The following NAV2 variants were observed in gnomAD, a reference collection of about 807,000 sequenced individuals.
The protein encoded by NAV2 is helicase, APC down-regulated 1.
NAV2 carries 54 observed loss-of-function variants against 223.2 expected under a neutral mutation model. That is an observed-to-expected ratio of 0.24 (90% CI 0.19 to 0.30). The LOEUF (loss-of-function observed/expected upper bound fraction) is 0.30. NAV2 is among the 10% of genes least tolerant of loss of function. NAV2 has a pLI of 1.00. For synonymous variants in NAV2, 1,279 were observed against 1,239.3 expected (o/e 1.03, Z -0.67); for missense variants, 2,806 against 3,147.5 (o/e 0.89, Z 2.60).
intron 1 of NAV2, among the ~76,000 whole-genome samples, chr11:19,789,593 G>C (rs1158924062): frequency 6.6e-6 from 1 of 152,206 alleles, no homozygotes; most frequent in Admixed American, 6.5e-5. Flanking sequence ...AGACTGGTTG[G>C]TGTACAGAGA....
At chr11:19,641,981 A>G (rs541264588) in intron 1 of NAV2, among the ~76,000 whole-genome samples, 3 of 152,198 alleles carry the variant, frequency 2.0e-5, no homozygotes, top group Non-Finnish European at 4.4e-5. Context: ...TGTTCACACT[A>G]TATTCCTAAT....
chr11:19,413,007 A>AT (rs1440234976), intron 1 of NAV2, among the ~76,000 whole-genome samples: 1 of 152,236 alleles, frequency 6.6e-6, no homozygotes, highest in Non-Finnish European at 1.5e-5. Context: ...CAAAAACCAG[A>AT]TGACCTCTTC....
chr11:19,919,709 T>C (rs2044113247), intron 6 of NAV2, among the ~76,000 whole-genome samples: 1 of 152,202 alleles, frequency 6.6e-6, no homozygotes, highest in African/African-American at 2.4e-5. Context: ...CCAATATTAG[T>C]AGAGAAGAAT....
At chr11:19,727,265 AGCTGGAGGTAGTTCCATCCAGCCCGTCT>A (rs1003009720) in intron 1 of NAV2, among the ~76,000 whole-genome samples, 3 of 152,190 alleles carry the variant, frequency 2.0e-5, no homozygotes, top group Non-Finnish European at 2.9e-5. Flanking sequence ...ACCTTTCAGG[AGCTGGAGGTAGTTCCATCCAGCCCGTCT>A]CACAAATGGC....
chr11:19,889,107 A>G (rs1591084313), intron 5 of NAV2, among the ~76,000 whole-genome samples: 1 of 152,110 alleles, frequency 6.6e-6, no homozygotes, highest in Non-Finnish European at 1.5e-5. Flanking sequence ...GAAATCCTGC[A>G]CTTGAACCCC....
intron 1 of NAV2, among the ~76,000 whole-genome samples, chr11:19,562,969 G>T (rs1400954744): frequency 6.6e-6 from 1 of 152,152 alleles, no homozygotes; most frequent in African/African-American, 2.4e-5. Context: ...AGTAGGCCCT[G>T]CCAAGACACC....
intron 1 of NAV2, among the ~76,000 whole-genome samples, chr11:19,677,429 C>T (rs113316974): frequency 3.0e-4 from 45 of 152,350 alleles, no homozygotes; most frequent in Middle Eastern, 3.4e-3. Context: ...GTGTCCTACT[C>T]GGCTTGTGAT....
At chr11:19,489,488 C>G (rs759980114) in intron 1 of NAV2, among the ~76,000 whole-genome samples, 1 of 152,224 alleles carries the variant, frequency 6.6e-6, no homozygotes, top group Non-Finnish European at 1.5e-5. Flanking sequence ...ATTTGAGTAA[C>G]TTTTATCACT....
At chr11:19,432,605 A>G (rs1191971098) in intron 1 of NAV2, among the ~76,000 whole-genome samples, 2 of 152,194 alleles carry the variant, frequency 1.3e-5, no homozygotes, top group African/African-American at 4.8e-5. Context: ...GAAGACATGG[A>G]GCATGGAGAG....
intron 10 of NAV2, among the ~76,000 whole-genome samples, chr11:19,963,545 C>T (rs2048516662): frequency 6.6e-6 from 1 of 152,046 alleles, no homozygotes; most frequent in Admixed American, 6.6e-5. Context: ...CCTGAAAGTG[C>T]CATTTGGAAG....
intron 1 of NAV2, among the ~76,000 whole-genome samples, chr11:19,718,646 C>T (rs1214140232): frequency 1.3e-5 from 2 of 151,840 alleles, no homozygotes; most frequent in African/African-American, 2.4e-5. Flanking sequence ...TTCTCTTTCT[C>T]AGTTCTTGGA....
At chr11:19,514,396 T>C (rs2043375100) in intron 1 of NAV2, among the ~76,000 whole-genome samples, 1 of 152,204 alleles carries the variant, frequency 6.6e-6, no homozygotes, top group Non-Finnish European at 1.5e-5. Flanking sequence ...ATTGCGGTTT[T>C]TCTGACCTTA....
intron 10 of NAV2, among the ~76,000 whole-genome samples, chr11:19,974,794 G>C (rs2049566154): frequency 6.6e-6 from 1 of 152,208 alleles, no homozygotes; most frequent in African/African-American, 2.4e-5. Flanking sequence ...ATAGAGCAAA[G>C]TGTTGGGGGG....
At chr11:19,983,520 T>C (rs2050484172) in intron 10 of NAV2, among the ~76,000 whole-genome samples, 1 of 152,212 alleles carries the variant, frequency 6.6e-6, no homozygotes. Flanking sequence ...CACTTTCATA[T>C]TCCTTATCTC....
intron 1 of NAV2, among the ~76,000 whole-genome samples, chr11:19,800,810 C>T (rs2058208194): frequency 6.6e-6 from 1 of 151,898 alleles, no homozygotes; most frequent in African/African-American, 2.4e-5. Flanking sequence ...TGTGTGGAAG[C>T]AACATTGGGT....
At chr11:20,079,899 C>G (rs1194674502) in intron 24 of NAV2, among the ~76,000 whole-genome samples, 165 bp from the exon 25 acceptor site, 2 of 152,170 alleles carry the variant, frequency 1.3e-5, no homozygotes, top group South Asian at 2.1e-4. Context: ...AATGCACTCA[C>G]CTATTCAAGG....
intron 1 of NAV2, among the ~76,000 whole-genome samples, chr11:19,523,160 C>T (rs1009229885): frequency 1.3e-5 from 2 of 152,228 alleles, no homozygotes; most frequent in African/African-American, 4.8e-5. Context: ...GCTTGTGCTG[C>T]TCTGTTGACC....
chr11:19,946,437 A>G lies in NAV2; in HGVS notation c.2183A>G (p.Lys728Arg). 3 of 1,613,648 alleles carry G rather than the reference A, an allele frequency of 1.9e-6. No homozygotes were observed. Among genetic ancestry groups the G allele is most frequent in the Non-Finnish European group, 2.5e-6 (3 of 1,179,850 alleles). ...GAGGCTCGGCGGCTGCGGACAGTGA[A>G]GAACATCGCTGATCTGCGGCAGAAT... The part of the protein sequence containing the change: ...DPEARRLRTV[K>R]NIADLRQNLE... Residue 728 changes from lysine to arginine, a missense_variant, in exon 9 of 38, where the codon AAG becomes AGG. This residue lies in a region of NAV2 where 1,167 missense variants were observed against 1,180.5 expected (regional missense o/e 0.99). Coordinates refer to ENST00000349880, the MANE Select transcript of NAV2 (RefSeq NM_145117.5).
At chr11:19,953,135 AT>A (rs796652759) in intron 10 of NAV2, among the ~76,000 whole-genome samples, 10 of 150,906 alleles carry the variant, frequency 6.6e-5, no homozygotes, top group South Asian at 2.1e-4. Context: ...GTTTGAAATG[AT>A]TTTTTTTTTC....
Sources: gnomAD v4.1 joint callset for allele counts (sites outside exome capture counted in the v4.1 genomes callset) on GRCh38, gnomAD v4.1.1 for gene constraint, gnomAD v4.1.1 regional missense constraint, MANE v1.5 for transcripts, NCBI Gene and HGNC (gene_info 2026-07-23, HGNC 2026-07-21) for gene names.